SPRED1: variants seen among roughly 807,000 people sequenced by gnomAD.
The protein encoded by SPRED1 is sprouty related EVH1 domain containing 1.
A neutral mutation model predicts 52.3 loss-of-function variants in SPRED1; 18 were observed. The ratio of observed to expected loss-of-function variants is 0.34; its 90% CI spans 0.24 to 0.51. SPRED1 has a LOEUF of 0.51. Among genes scored for constraint, SPRED1 ranks in the 20% least tolerant of loss-of-function variants. The pLI is 0.97. For synonymous variants in SPRED1, 155 were observed against 179.7 expected, an observed-to-expected ratio of 0.86 and a Z score of 1.10; for missense variants, 485 against 551.0, an observed-to-expected ratio of 0.88 and a Z score of 1.20.
At chr15:38,349,567 T>A in intron 6 of SPRED1, 44 bp downstream of exon 6, 1 of 1,020,022 alleles carries the variant, frequency 9.8e-7, no homozygotes, top group Non-Finnish European at 1.4e-6. Flanking sequence ...TTTAACTAAT[T>A]AATAGATAGG....
chr15:38,272,848 C>A (rs1237976847), intron 1 of SPRED1, among the ~76,000 whole-genome samples: 2 of 152,122 alleles, frequency 1.3e-5, no homozygotes, highest in East Asian at 3.8e-4. Flanking sequence ...TGAGCAGTGT[C>A]TGTTTATGTC....
At chr15:38,344,460 G>A (rs909682561) in intron 5 of SPRED1, among the ~76,000 whole-genome samples, 1 of 152,168 alleles carries the variant, frequency 6.6e-6, no homozygotes, top group African/African-American at 2.4e-5. Flanking sequence ...ATGATGGGGT[G>A]GTTGAAGAAT....
chr15:38,302,115 C>G (rs780870685), intron 2 of SPRED1, among the ~76,000 whole-genome samples: 17 of 151,804 alleles, frequency 1.1e-4, no homozygotes, highest in Non-Finnish European at 1.8e-4. Flanking sequence ...AGATTCTTGC[C>G]CCTCATATCC....
Position 38,351,001 on chromosome 15 carries a change from G to GT in SPRED1, c.685-10dup. On this transcript the variant is annotated splice_polypyrimidine_tract_variant and intron_variant, in intron 6 of 6. Coordinates refer to ENST00000299084, the MANE Select transcript of SPRED1 (RefSeq NM_152594.3). ...ATAGCCCTCATTGCAGTTTTTATCT[G>GT]TTTCTTTTTTAGGTCCCTTTGAAAT... The GT allele has an allele frequency of 6.2e-7, 1 of 1,609,828 alleles. No individual in the cohort carries two copies. The highest frequency in any genetic ancestry group is 8.5e-7 in the Non-Finnish European group (1 of 1,178,552).
chr15:38,319,111 A>G (rs1397465322), intron 2 of SPRED1, among the ~76,000 whole-genome samples: 1 of 152,110 alleles, frequency 6.6e-6, no homozygotes, highest in Non-Finnish European at 1.5e-5. Context: ...ATATATTAAA[A>G]AACTAGAATC....
At chr15:38,260,671 A>G (rs1220298627) in intron 1 of SPRED1, among the ~76,000 whole-genome samples, 1 of 152,220 alleles carries the variant, frequency 6.6e-6, no homozygotes, top group African/African-American at 2.4e-5. Context: ...CAAAATGAAA[A>G]ATATTTCAAT....
In SPRED1 at chr15:38,351,700, T is replaced by G. The variant is rs1282570677; in HGVS notation, c.*36T>G. 6.2e-7 allele frequency: 1 copy of G among 1,603,948 alleles called. No individual in the cohort carries two copies. Among genetic ancestry groups the G allele is most frequent in the Non-Finnish European group, 8.5e-7 (1 of 1,179,276 alleles). ...TGCCAAAATGAGCTTAAAATCTTTGTTTCCAGGAATTAGCTAACTTGGATT... is the reference window on the plus strand; with the variant it reads ...TGCCAAAATGAGCTTAAAATCTTTGGTTCCAGGAATTAGCTAACTTGGATT... On this transcript the variant is annotated 3_prime_UTR_variant, in exon 7 of 7. Coordinates refer to ENST00000299084, the MANE Select transcript of SPRED1 (RefSeq NM_152594.3).
intron 1 of SPRED1, among the ~76,000 whole-genome samples, chr15:38,287,026 AT>A (rs371025533): frequency 1.3e-5 from 2 of 152,048 alleles, no homozygotes; most frequent in Admixed American, 6.6e-5. Flanking sequence ...TCTTTTTTGT[AT>A]TTGTTTCCCA....
chr15:38,274,831 T>C (rs1894513351), intron 1 of SPRED1, among the ~76,000 whole-genome samples: 2 of 152,206 alleles, frequency 1.3e-5, no homozygotes, highest in Non-Finnish European at 2.9e-5. Context: ...TAAATTCAAC[T>C]TACATGTTTT....
chr15:38,319,113 AC>A (rs1895549713), intron 2 of SPRED1, among the ~76,000 whole-genome samples: 4 of 152,160 alleles, frequency 2.6e-5, no homozygotes, highest in African/African-American at 9.6e-5. Flanking sequence ...ATATTAAAAA[AC>A]TAGAATCAAA....
At chr15:38,342,169 A>C (rs1477206927) in intron 5 of SPRED1, among the ~76,000 whole-genome samples, 2 of 148,798 alleles carry the variant, frequency 1.3e-5, no homozygotes, top group Non-Finnish European at 3.0e-5. Context: ...TTTTTCCTTC[A>C]CTTTGCTTAT....
At chr15:38,258,099 A>G (rs1201617617) in intron 1 of SPRED1, among the ~76,000 whole-genome samples, 4 of 152,220 alleles carry the variant, frequency 2.6e-5, no homozygotes, top group Non-Finnish European at 4.4e-5. Flanking sequence ...AATGATCTCT[A>G]AAGTGAGTAA....
At chr15:38,346,043 G>C (rs758387163) in intron 5 of SPRED1, among the ~76,000 whole-genome samples, 1 of 152,146 alleles carries the variant, frequency 6.6e-6, no homozygotes, top group Non-Finnish European at 1.5e-5. Flanking sequence ...TGAAGAGCTA[G>C]TAAATCTTTT....
intron 1 of SPRED1, among the ~76,000 whole-genome samples, chr15:38,296,516 GTCATCT>G (rs938194308): frequency 5.3e-5 from 8 of 152,082 alleles, no homozygotes; most frequent in African/African-American, 1.9e-4. Context: ...CGTGTGTTTG[GTCATCT>G]TCTTTTGCCT....
intron 1 of SPRED1, among the ~76,000 whole-genome samples, chr15:38,258,735 T>C (rs190481479): frequency 2.0e-5 from 3 of 152,276 alleles, no homozygotes; most frequent in Admixed American, 1.3e-4. Flanking sequence ...TAAAAACTTA[T>C]TAGGTTGTTT....
chr15:38,281,941 G>A (rs1410553848), intron 1 of SPRED1, among the ~76,000 whole-genome samples: 1 of 152,084 alleles, frequency 6.6e-6, no homozygotes, highest in African/African-American at 2.4e-5. Context: ...TTCAGTATGA[G>A]CTCTTACAGG....
At chr15:38,302,513 A>T (rs1028465389) in intron 2 of SPRED1, among the ~76,000 whole-genome samples, 1 of 152,030 alleles carries the variant, frequency 6.6e-6, no homozygotes, top group Non-Finnish European at 1.5e-5. Flanking sequence ...TTACTCATTC[A>T]CTCATTCAGT....
At chr15:38,293,556 C>A (rs1331224473) in intron 1 of SPRED1, among the ~76,000 whole-genome samples, 3 of 152,178 alleles carry the variant, frequency 2.0e-5, no homozygotes, top group African/African-American at 7.2e-5. Context: ...CAGCTCTTCT[C>A]TGTAAGATGA....
rs571040234 is a variant in SPRED1 at position 38,271,455 on chromosome 15, T to G, written c.32+18238T>G. ...CTCTTAGGTTTGACAGTCATTAATG[T>G]TGATACTTAATGAAATAGAGACAGC... is the stretch of plus-strand genomic sequence containing the variant. On this transcript the variant is annotated intron_variant, in intron 1 of 6. Coordinates refer to ENST00000299084, the MANE Select transcript of SPRED1 (RefSeq NM_152594.3). Among the ~76,000 whole-genome samples, 9 of 151,568 alleles carry G rather than the reference T, an allele frequency of 5.9e-5. No individual in the cohort carries two copies. The East Asian group carries it at 1.8e-3, about 30-fold the overall frequency.
Sources: gnomAD v4.1 joint callset for allele counts (sites outside exome capture counted in the v4.1 genomes callset) on GRCh38, gnomAD v4.1.1 for gene constraint, MANE v1.5 for transcripts, NCBI Gene and HGNC (gene_info 2026-07-23, HGNC 2026-07-21) for gene names.